SLC12A8: variants seen among roughly 807,000 people sequenced by gnomAD.
The protein encoded by SLC12A8 is solute carrier family 12 member 8.
In SLC12A8, 69 loss-of-function variants were observed where a neutral mutation model predicts 75.6. The ratio of observed to expected loss-of-function variants is 0.91; its 90% confidence interval spans 0.75 to 1.11. SLC12A8 has a LOEUF of 1.11. SLC12A8 is among the 50% of genes most tolerant of loss of function. The pLI is 0.00. For missense variants in SLC12A8, 877 were observed against 896.7 expected, an observed-to-expected ratio of 0.98 and a Z score of 0.28; for synonymous variants, 365 against 372.8, an observed-to-expected ratio of 0.98 and a Z score of 0.24.
chr3:125,133,938 T>G lies in SLC12A8; in HGVS notation c.736+1731A>C, dbSNP rs115203307. On this transcript the variant is annotated intron_variant, in intron 6 of 13. Coordinates refer to ENST00000469902, the MANE Select transcript of SLC12A8 (RefSeq NM_024628.6). ...TTTAGTAATCCCTCCTTCGTGCTCC[T>G]CTCACTCCCATTCCCAGGCATCTGT... Among the ~76,000 whole-genome samples the G allele has an allele frequency of 3.8e-3, 576 of 152,308 alleles. 8 individuals are homozygous for G. Among genetic ancestry groups the G allele is most frequent in the African/African-American group, 0.013 (547 of 41,576 alleles).
At chr3:125,173,732 A>C (rs1934458900) in intron 5 of SLC12A8, among the ~76,000 whole-genome samples, 1 of 152,218 alleles carries the variant, frequency 6.6e-6, no homozygotes, top group South Asian at 2.1e-4. Flanking sequence ...CAGACTGGGG[A>C]GAAAAAATTT....
At position 125,190,919 on chromosome 3, in the gene SLC12A8, T is replaced by C. The variant is rs538598148; in HGVS notation, c.52-398A>G. Among the ~76,000 whole-genome samples, 3 of 152,248 alleles carry C rather than the reference T, an allele frequency of 2.0e-5. No individual in the cohort carries two copies. In the East Asian group the frequency reaches 5.8e-4, roughly 29 times the overall value. On this transcript the variant is annotated intron_variant, in intron 2 of 13. Transcript: ENST00000469902. ...GCCCATGGAATGCAGGCAGAAGCAATAGATGACACTTCTAAGTGAGTGTGA... is the reference window on the plus strand; with the variant it reads ...GCCCATGGAATGCAGGCAGAAGCAACAGATGACACTTCTAAGTGAGTGTGA...
At chr3:125,157,402 G>A (rs1216896922) in intron 5 of SLC12A8, among the ~76,000 whole-genome samples, 2 of 152,150 alleles carry the variant, frequency 1.3e-5, no homozygotes, top group Non-Finnish European at 1.5e-5. Flanking sequence ...ACAAGCTACT[G>A]TTCTGCTTTT....
intron 2 of SLC12A8, among the ~76,000 whole-genome samples, chr3:125,209,952 G>T (rs1935303377): frequency 6.6e-6 from 1 of 152,234 alleles, no homozygotes; most frequent in Non-Finnish European, 1.5e-5. Context: ...ACAAGACAGT[G>T]CAGGGGAGGG....
chr3:125,096,023 C>T (rs572742673), intron 10 of SLC12A8, among the ~76,000 whole-genome samples: 1 of 152,226 alleles, frequency 6.6e-6, no homozygotes, highest in Non-Finnish European at 1.5e-5. Flanking sequence ...CTATACAGCA[C>T]TGCCCCCGCT....
At chr3:125,098,378 TG>T (rs1938769722) in intron 10 of SLC12A8, among the ~76,000 whole-genome samples, 1 of 152,218 alleles carries the variant, frequency 6.6e-6, no homozygotes, top group African/African-American at 2.4e-5. Context: ...TTTGGTTTGC[TG>T]TTTGGCTGAT....
chr3:125,110,390 T>C, intron 8 of SLC12A8, 55 bp from the exon 9 acceptor site: 3 of 1,576,128 alleles, frequency 1.9e-6, no homozygotes, highest in South Asian at 2.3e-5. Context: ...TGTGCCTTTC[T>C]ACCCCCCCAG....
intron 4 of SLC12A8, among the ~76,000 whole-genome samples, chr3:125,179,717 GA>G (rs1934611399): frequency 1.9e-5 from 2 of 103,054 alleles, no homozygotes; most frequent in African/African-American, 6.0e-5. Context: ...GAGAGAGAGA[GA>G]GAGAGAGAGA....
At chr3:125,135,612 G>T in intron 6 of SLC12A8, 57 bp downstream of exon 6, 1 of 1,151,872 alleles carries the variant, frequency 8.7e-7, no homozygotes, top group Non-Finnish European at 1.2e-6. Context: ...GCTGAATTTT[G>T]GAACCAAGAA....
At position 125,177,939 on chromosome 3, in the gene SLC12A8, A is replaced by G; in HGVS notation, c.426T>C (p.Ala142=). 2 of 1,613,908 alleles carry G rather than the reference A, an allele frequency of 1.2e-6. No homozygotes were observed. The highest frequency in any genetic ancestry group is 1.7e-6 in the Non-Finnish European group (2 of 1,179,930). ...VAGAMYITGF[A]ESISDLLGLG... ...GGCCCAGCAAATCCGAGATGGATTC[A>G]GCAAAGCCGGTGATATACATGGCAC... The change falls in exon 5 of 14, where the codon GCT becomes GCC. Residue 142 remains alanine, a synonymous_variant. Transcript: ENST00000469902.
At chr3:125,150,737 T>C (rs1375104413) in intron 5 of SLC12A8, among the ~76,000 whole-genome samples, 3 of 152,102 alleles carry the variant, frequency 2.0e-5, no homozygotes, top group Non-Finnish European at 4.4e-5. Flanking sequence ...ACTGAGCACA[T>C]ATACAAGGGC....
At chr3:125,152,824 G>C (rs1933959794) in intron 5 of SLC12A8, among the ~76,000 whole-genome samples, 1 of 152,178 alleles carries the variant, frequency 6.6e-6, no homozygotes, top group Non-Finnish European at 1.5e-5. Context: ...AATCAGAAAA[G>C]CATATATTGC....
chr3:125,184,716 A>C (rs1934736413), intron 4 of SLC12A8, among the ~76,000 whole-genome samples: 1 of 151,746 alleles, frequency 6.6e-6, no homozygotes, highest in African/African-American at 2.4e-5. Flanking sequence ...CAATAACCCA[A>C]CCTGTCACCT....
chr3:125,208,781 C>CAG (rs1935276180), intron 2 of SLC12A8, among the ~76,000 whole-genome samples: 2 of 118,084 alleles, frequency 1.7e-5, no homozygotes, highest in African/African-American at 6.1e-5. Flanking sequence ...CACACACACA[C>CAG]ACACACACAC....
intron 12 of SLC12A8, 36 bp from the exon 13 acceptor site, chr3:125,088,406 G>C (rs1424834957): frequency 6.2e-7 from 1 of 1,605,486 alleles, no homozygotes; most frequent in African/African-American, 1.3e-5. Context: ...ATTTTTGAAG[G>C]TTCTACATAA....
intron 5 of SLC12A8, among the ~76,000 whole-genome samples, chr3:125,157,384 G>A (rs905194083): frequency 6.6e-6 from 1 of 152,138 alleles, no homozygotes; most frequent in Non-Finnish European, 1.5e-5. Context: ...GCTGTGATCT[G>A]AACAGAGACA....
In SLC12A8 at chr3:125,135,049, G is replaced by A. The variant is rs559955339; in HGVS notation, c.736+620C>T. ...CCAGGGACCCAAGCATGGGGCAGGA[G>A]CCCTACAGGGACCTTGGCTGTGGGA... On this transcript the variant is annotated intron_variant, in intron 6 of 13. Transcript: ENST00000469902. 2.0e-5 allele frequency among the ~76,000 whole-genome samples: 3 copies of A among 152,366 alleles called. 1 individual carries two copies. Among genetic ancestry groups the A allele is most frequent in the Non-Finnish European group, 4.4e-5 (3 of 68,034 alleles).
Position 125,135,749 on chromosome 3 carries a change from A to G in SLC12A8, c.656T>C (p.Leu219Pro). ...HGFIGYSPEL[L>P]QNNTLPDYSP... ...GTAATCGGGCAGCGTGTTGTTCTGT[A>G]GCAGTTCGGGTGAATATCCAATGAA... is the stretch of plus-strand genomic sequence containing the variant. The change falls in exon 6 of 14, where the codon CTA becomes CCA. Residue 219 changes from leucine (L) to proline (P), a missense_variant. Physicochemically the swap from Leu to Pro is moderately conservative, Grantham distance 98 (BLOSUM62 -3). Coordinates refer to ENST00000469902, the MANE Select transcript of SLC12A8 (RefSeq NM_024628.6). 6.2e-7 allele frequency: 1 copy of G among 1,608,770 alleles called. No homozygotes were observed. Among genetic ancestry groups the G allele is most frequent in the South Asian group, 1.1e-5 (1 of 90,020 alleles).
chr3:125,136,378 GT>G (rs550916538), intron 5 of SLC12A8, among the ~76,000 whole-genome samples: 410 of 152,254 alleles, frequency 2.7e-3, no homozygotes, highest in Non-Finnish European at 4.6e-3. Context: ...AAGCATCGTA[GT>G]GGGCCAACTC....
Sources: allele counts gnomAD v4.1 joint callset (sites outside exome capture counted in the v4.1 genomes callset), GRCh38; gene constraint gnomAD v4.1.1; transcripts MANE v1.5; gene names NCBI Gene and HGNC (gene_info 2026-07-23, HGNC 2026-07-21).